The following SMG1 variants were observed in gnomAD, a reference collection of about 807,000 sequenced individuals.
SMG1 encodes serine/threonine-protein kinase SMG1.
A neutral mutation model predicts 419.9 loss-of-function variants in SMG1; 22 were observed. The ratio of observed to expected loss-of-function variants is 0.05; its 90% CI spans 0.04 to 0.07. The LOEUF is 0.07. Ranked by LOEUF, SMG1 falls within the 10% of genes least tolerant of loss-of-function variation. The pLI is 1.00. For synonymous variants in SMG1, 1,538 were observed against 1,553.5 expected, an observed-to-expected ratio of 0.99 and a Z score of 0.23; for missense variants, 3,185 against 4,342.0, an observed-to-expected ratio of 0.73 and a Z score of 7.49.
chr16:18,895,125 G>C (rs2037064509), intron 3 of SMG1, among the ~76,000 whole-genome samples: 1 of 152,134 alleles, frequency 6.6e-6, no homozygotes, highest in South Asian at 2.1e-4. Flanking sequence ...CCAATCCTCT[G>C]AACTTCCAAG....
At chr16:18,859,279 A>T (rs2035084658) in intron 27 of SMG1, 98 bp from the exon 28 acceptor site, 1 of 869,522 alleles carries the variant, frequency 1.2e-6, no homozygotes, top group African/African-American at 1.6e-5. Context: ...TGACATCCAA[A>T]GTTAGGGGGC....
chr16:18,868,971 C>T, intron 20 of SMG1, 133 bp downstream of exon 20: 1 of 810,650 alleles, frequency 1.2e-6, no homozygotes. Context: ...CTTATTCTAA[C>T]AAACATACCT....
intron 1 of SMG1, among the ~76,000 whole-genome samples, chr16:18,905,173 ACCACTTGAACCC>A (rs1242355667): frequency 6.6e-6 from 1 of 152,134 alleles, no homozygotes; most frequent in African/African-American, 2.4e-5. Flanking sequence ...AAGCAGGAGA[ACCACTTGAACCC>A]CGGAGGTGGA....
rs1254461311 is a variant in SMG1, at chr16:18,850,106, G to A, written c.5304C>T (p.Asp1768=). 1.2e-6 allele frequency: 2 copies of A among 1,613,686 alleles called. No individual in the cohort carries two copies. Among genetic ancestry groups the A allele is most frequent in the Non-Finnish European group, 1.7e-6 (2 of 1,179,838 alleles). Reference sequence around the variant, plus strand: ...CTCTGTGACTTAAATGCAGCCTAGGGTCATCCTCATCTAAAGGAATCTAAG... The same window carrying A: ...CTCTGTGACTTAAATGCAGCCTAGGATCATCCTCATCTAAAGGAATCTAAG... The part of the protein sequence containing the change: ...NAGQIPLDED[D]PRLHLSHRVE... The change falls in exon 35 of 63, where the codon GAC becomes GAT. Residue 1768 remains aspartate (D), a synonymous_variant. Transcript: ENST00000446231.
chr16:18,921,707 T>A lies in SMG1; in HGVS notation c.92+4243A>T, dbSNP rs541688275. ...ATGTACCTATGGACATCAAACTTAG[T>A]ACAGACTGATAAAAGGCTGAATAGA... is the stretch of plus-strand genomic sequence containing the variant. On this transcript the variant is annotated intron_variant, in intron 1 of 62. Transcript: ENST00000446231. 1.8e-4 allele frequency among the ~76,000 whole-genome samples: 28 copies of A among 152,276 alleles called. No individual in the cohort carries two copies. In the South Asian group the frequency reaches 5.2e-3, roughly 28 times the overall value.
chr16:18,923,709 CA>C (rs34895437), intron 1 of SMG1, among the ~76,000 whole-genome samples: 27,875 of 150,274 alleles, frequency 0.19, 2,665 homozygotes, highest in Middle Eastern at 0.26. Context: ...ACATAAGAGG[CA>C]AAAAAAAATT....
chr16:18,896,283 C>A, intron 2 of SMG1, 76 bp from the exon 3 acceptor site: 3 of 1,321,960 alleles, frequency 2.3e-6, no homozygotes, highest in Non-Finnish European at 3.3e-6. Flanking sequence ...AGCTCAGGAT[C>A]TTATTACTCA....
intron 55 of SMG1, among the ~76,000 whole-genome samples, chr16:18,820,686 T>C (rs1206619346): frequency 6.6e-6 from 1 of 152,224 alleles, no homozygotes; most frequent in African/African-American, 2.4e-5. Flanking sequence ...GAGTTCATTC[T>C]TGTAAGTTGA....
chr16:18,817,204 G>T, intron 57 of SMG1, 87 bp downstream of exon 57: 1 of 1,143,648 alleles, frequency 8.7e-7, no homozygotes, highest in Non-Finnish European at 1.2e-6. Flanking sequence ...TATGCTCAAC[G>T]AATGTAATCG....
Position 18,838,103 on chromosome 16 carries a change from C to G in SMG1, c.7324G>C (p.Gly2442Arg). 6.2e-7 allele frequency: 1 copy of G among 1,613,990 alleles called. No homozygotes were observed. The highest frequency in any genetic ancestry group is 8.5e-7 in the Non-Finnish European group (1 of 1,179,896). ...GFAGAVYGGG[G>R]QQAESKQSKR... is the part of the protein sequence containing the mutation. ...CTCTGCTTGCTCTCGGCCTGCTGGC[C>G]ACCTCCACCATAGACAGCACCAGCA... The change falls in exon 45 of 63, where the codon GGC becomes CGC. Residue 2442 changes from glycine (G) to arginine (R), a missense_variant. This residue lies in a region of SMG1 where 412 missense variants were observed against 546.6 expected (regional missense o/e 0.75). Transcript: ENST00000446231.
intron 10 of SMG1, among the ~76,000 whole-genome samples, chr16:18,881,280 G>A (rs1286553242): frequency 6.6e-6 from 1 of 151,908 alleles, no homozygotes; most frequent in Non-Finnish European, 1.5e-5. Context: ...ACTCTGTACA[G>A]TCTTCAAACA....
At chr16:18,917,162 T>A (rs12920017) in intron 1 of SMG1, among the ~76,000 whole-genome samples, 43,406 of 151,678 alleles carry the variant, frequency 0.29, 7,468 homozygotes, top group Non-Finnish European at 0.38. Context: ...TTTATTTATT[T>A]ATTTTTTGAG....
At chr16:18,827,624 ATT>A (rs887654442) in intron 55 of SMG1, among the ~76,000 whole-genome samples, 8 of 143,876 alleles carry the variant, frequency 5.6e-5, no homozygotes, top group African/African-American at 2.0e-4. Flanking sequence ...CAAAATATAT[ATT>A]TTTATATATA....
At position 18,885,073 on chromosome 16, in the gene SMG1, T is replaced by C. The variant is rs1327946090; in HGVS notation, c.1021+17A>G. 4.5e-6 allele frequency: 3 copies of C among 670,024 alleles called. No individual in the cohort carries two copies. Among genetic ancestry groups the C allele is most frequent in the African/African-American group, 1.8e-5 (1 of 54,700 alleles). The allele number at this position is 670,024 out of a possible 1,614,324, so 41.5% of individuals were successfully genotyped here. Reference sequence around the variant, plus strand: ...CCCGACAGTATTTAAATAACTGGTATAGGCTGCAAGACTTACCAGATACCT... The same window carrying C: ...CCCGACAGTATTTAAATAACTGGTACAGGCTGCAAGACTTACCAGATACCT... On this transcript the variant is annotated intron_variant, in intron 8 of 62. Coordinates refer to ENST00000446231, the MANE Select transcript of SMG1 (RefSeq NM_015092.5).
chr16:18,921,214 G>C (rs2038187754), intron 1 of SMG1, among the ~76,000 whole-genome samples: 2 of 151,786 alleles, frequency 1.3e-5, no homozygotes, highest in Admixed American at 6.6e-5. Context: ...TTAGTGGTGT[G>C]GTGGTATGCA....
At chr16:18,822,398 T>G (rs1330543803) in intron 55 of SMG1, among the ~76,000 whole-genome samples, 1 of 77,648 alleles carries the variant, frequency 1.3e-5, no homozygotes, top group Admixed American at 1.5e-4. Context: ...GGTCTAACAT[T>G]TAAGTCTTTA....
At position 18,926,368 on chromosome 16, in the gene SMG1, A is replaced by G. The variant is rs2038412144; in HGVS notation, c.-327T>C. The G allele has an allele frequency of 3.3e-6, 1 of 300,562 alleles. No individual in the cohort carries two copies. The highest frequency in any genetic ancestry group is 6.2e-6 in the Non-Finnish European group (1 of 162,366). The allele number at this position is 300,562 out of a possible 1,614,324, so 18.6% of individuals were successfully genotyped here. On this transcript the variant is annotated 5_prime_UTR_variant, in exon 1 of 63. Transcript: ENST00000446231. The stretch of plus-strand genomic sequence containing the variant: ...GCCCCGGAGGACGAGGACGACGAGG[A>G]GCAGGCGGTGGCGGCAGCTCCTCAC...
intron 51 of SMG1, among the ~76,000 whole-genome samples, chr16:18,832,620 G>C (rs958504324): frequency 1.4e-5 from 2 of 148,038 alleles, no homozygotes; most frequent in Admixed American, 6.6e-5. Flanking sequence ...ACACAAATAA[G>C]TGCATGTATA....
At chr16:18,837,227 TAGA>T in intron 46 of SMG1, 23 bp downstream of exon 46, 1 of 1,567,786 alleles carries the variant, frequency 6.4e-7, no homozygotes, top group Non-Finnish European at 8.7e-7. Context: ...GGCACATATT[TAGA>T]AGAATTCAAC....
Sources: allele counts gnomAD v4.1 joint callset (sites outside exome capture counted in the v4.1 genomes callset), GRCh38; gene constraint gnomAD v4.1.1; regional missense constraint gnomAD v4.1.1; transcripts MANE v1.5; gene names NCBI Gene and HGNC (gene_info 2026-07-23, HGNC 2026-07-21).